The following HECTD4 variants were observed in gnomAD, a reference collection of about 807,000 sequenced individuals.
HECTD4 encodes HECT domain E3 ubiquitin protein ligase 4, also known as probable E3 ubiquitin-protein ligase HECTD4.
HECTD4 carries 114 observed loss-of-function variants against 471.5 expected under a neutral mutation model. That is an observed-to-expected ratio of 0.24 (90% confidence interval 0.21 to 0.28). The LOEUF is 0.28. Among genes scored for constraint, HECTD4 ranks in the 10% least tolerant of loss-of-function variants. The pLI is 1.00. For synonymous variants in HECTD4, 2,012 were observed against 2,256.0 expected, an observed-to-expected ratio of 0.89 and a Z score of 3.07; for missense variants, 3,866 against 5,651.5, an observed-to-expected ratio of 0.68 and a Z score of 10.13.
At position 112,164,178 on chromosome 12, in the gene HECTD4, C is replaced by G. The variant is rs757360916; in HGVS notation, c.12632G>C (p.Arg4211Thr). The change falls in exon 73 of 76, where the codon AGG (arginine) becomes ACG (threonine). Residue 4211 changes from arginine (R) to threonine (T), a missense_variant. Physicochemically the swap from Arg to Thr is moderately conservative, Grantham distance 71. Around this residue, in one of 16 missense-constraint regions of HECTD4, gnomAD observed 715 missense variants for 1,087.6 expected, o/e 0.66. Transcript: ENST00000682272. ...SPDSPNKPCC[R>T]FTYLTMTGEE... ...GCCCGTCATGGTCAGGTAGGTGAAC[C>G]TGCAGCAGGGCTTGTTGGGGCTGTC... 5.6e-6 allele frequency: 9 copies of G among 1,613,626 alleles called. No homozygotes were observed. The South Asian group carries it at 8.8e-5, about 16-fold the overall frequency.
chr12:112,183,804 C>G (rs944757553), intron 61 of HECTD4, among the ~76,000 whole-genome samples: 1 of 152,228 alleles, frequency 6.6e-6, no homozygotes, highest in African/African-American at 2.4e-5. Context: ...CTCAGAATCA[C>G]CTGGGACAGA....
chr12:112,231,496 A>G lies in HECTD4; in HGVS notation c.6200+17T>C, dbSNP rs1383606661. On this transcript the variant is annotated intron_variant, in intron 39 of 75. Transcript: ENST00000682272. Reference sequence around the variant, plus strand: ...CCTGAGATGAGTGTGGACAGCTCCTACCTGTGGAAGGTTTACCTTGCAAGC... The same window carrying G: ...CCTGAGATGAGTGTGGACAGCTCCTGCCTGTGGAAGGTTTACCTTGCAAGC... 1 of 1,611,492 alleles carries G rather than the reference A, an allele frequency of 6.2e-7. No homozygotes were observed.
At chr12:112,332,142 A>C (rs1171974487) in intron 1 of HECTD4, among the ~76,000 whole-genome samples, 1 of 151,846 alleles carries the variant, frequency 6.6e-6, no homozygotes, top group Admixed American at 6.6e-5. Context: ...AAGCAGAAAT[A>C]GGAAGTTACT....
rs929918315 is a variant in HECTD4 at position 112,216,375 on chromosome 12, T to C, written c.7386-4A>G. The C allele has an allele frequency of 2.3e-5, 35 of 1,546,232 alleles. No homozygotes were observed. Among genetic ancestry groups the C allele is most frequent in the Non-Finnish European group, 3.0e-5 (34 of 1,141,932 alleles). ...ATAGTGCACGGCTCGGCCGTTGCTA[T>C]GAAAAATACAAAGAAGGGAGGTCAA... On this transcript the variant is annotated splice_region_variant and splice_polypyrimidine_tract_variant and intron_variant, in intron 47 of 75. Coordinates refer to ENST00000682272, the MANE Select transcript of HECTD4 (RefSeq NM_001388303.1).
intron 21 of HECTD4, among the ~76,000 whole-genome samples, chr12:112,255,824 G>A (rs1434044749): frequency 1.3e-5 from 2 of 152,068 alleles, no homozygotes; most frequent in Non-Finnish European, 2.9e-5. Context: ...CACCAGGTTG[G>A]AAACTACTCT....
At chr12:112,231,328 C>G in intron 39 of HECTD4, 185 bp downstream of exon 39, 1 of 609,410 alleles carries the variant, frequency 1.6e-6, no homozygotes, top group Non-Finnish European at 2.9e-6. Context: ...AACCTCAGAT[C>G]TACCTGGATG....
Position 112,190,840 on chromosome 12 carries a change from C to T in HECTD4, c.9418G>A (p.Asp3140Asn), listed in dbSNP as rs1462895091. The T allele has an allele frequency of 6.3e-7, 1 of 1,587,106 alleles. No homozygotes were observed. The highest frequency in any genetic ancestry group is 1.2e-5 in the South Asian group (1 of 86,384). Residue 3140 changes from aspartate (D) to asparagine (N), a missense_variant, in exon 60 of 76, where the codon GAT becomes AAT. This residue lies in a region of HECTD4 where 364 missense variants were observed against 413.2 expected (regional missense o/e 0.88). Transcript: ENST00000682272. ...KSEDSEGKSEDEPDTIPTSVL... is the reference protein window; with the variant it reads ...KSEDSEGKSENEPDTIPTSVL... Reference sequence around the variant, plus strand: ...GATGTCGGAATGGTGTCAGGCTCATCTTCGGACTTCCCTTCACTGTCCTCT... The same window carrying T: ...GATGTCGGAATGGTGTCAGGCTCATTTTCGGACTTCCCTTCACTGTCCTCT...
chr12:112,227,286 C>G (rs975709298), intron 43 of HECTD4, among the ~76,000 whole-genome samples: 2 of 152,030 alleles, frequency 1.3e-5, no homozygotes, highest in African/African-American at 4.8e-5. Context: ...ATGGCGAGAC[C>G]CCATCTCTAC....
At chr12:112,215,912 C>T (rs991212257) in intron 48 of HECTD4, among the ~76,000 whole-genome samples, 16 of 152,282 alleles carry the variant, frequency 1.1e-4, no homozygotes, top group Admixed American at 8.5e-4. Flanking sequence ...GAATTATAGG[C>T]GTGAGCCACT....
rs910337208 is a variant in HECTD4 at position 112,237,199 on chromosome 12, G to A, written c.5291-101C>T. 1.0e-5 allele frequency: 11 copies of A among 1,048,138 alleles called. No individual in the cohort carries two copies. In the African/African-American group the frequency reaches 1.4e-4, roughly 14 times the overall value. 64.9% of individuals were successfully genotyped at this position (1,048,138 alleles called of 1,614,324 possible). A position where few individuals can be genotyped will look rare whatever the true frequency, so the allele number is the denominator to read the frequency against. ...GCCCTGTCCATTTATCTTGCTTAATGTTTCATGAACCATCTAATAGTGTCT... is the reference window on the plus strand; with the variant it reads ...GCCCTGTCCATTTATCTTGCTTAATATTTCATGAACCATCTAATAGTGTCT... On this transcript the variant is annotated intron_variant, in intron 34 of 75. Coordinates refer to ENST00000682272, the MANE Select transcript of HECTD4 (RefSeq NM_001388303.1).
At chr12:112,315,895 TAA>T (rs570049819) in intron 2 of HECTD4, among the ~76,000 whole-genome samples, 22 of 93,016 alleles carry the variant, frequency 2.4e-4, no homozygotes, top group Non-Finnish European at 1.7e-4. Flanking sequence ...GACCATGTCT[TAA>T]AAAAAAAAAA....
At position 112,265,945 on chromosome 12, in the gene HECTD4, T is replaced by C. The variant is rs1196722615; in HGVS notation, c.2431A>G (p.Ile811Val). 6.8e-6 allele frequency: 11 copies of C among 1,613,958 alleles called. No homozygotes were observed. The highest frequency in any genetic ancestry group is 1.3e-5 in the African/African-American group (1 of 75,032). The change falls in exon 15 of 76, where the codon ATC (isoleucine) becomes GTC (valine). Residue 811 changes from isoleucine (I) to valine (V), a missense_variant. By Grantham distance (29) the Ile-to-Val change is conservative (BLOSUM62 3). Transcript: ENST00000682272. ...NSGLSQLRDV[I>V]LTNLAEQLQN... ...AGCTGTTCAGCCAGGTTGGTTAGGA[T>C]CACATCCCGTAGCTGGGAGAGTCCA...
intron 54 of HECTD4, chr12:112,203,434 A>G (rs2032488486): frequency 2.2e-6 from 1 of 464,410 alleles, no homozygotes; most frequent in African/African-American, 2.0e-5. Flanking sequence ...AGAGCCTACC[A>G]TCTACTGCCA....
At chr12:112,230,437 C>T (rs977853343) in intron 40 of HECTD4, among the ~76,000 whole-genome samples, 1 of 152,140 alleles carries the variant, frequency 6.6e-6, no homozygotes, top group African/African-American at 2.4e-5. Context: ...AGAAGAGAAA[C>T]AAGGCCTGTC....
At chr12:112,316,496 C>T (rs552196373) in intron 2 of HECTD4, among the ~76,000 whole-genome samples, 3 of 152,312 alleles carry the variant, frequency 2.0e-5, no homozygotes, top group South Asian at 4.2e-4. Flanking sequence ...CTGCTCTCCA[C>T]TGTATCCCTA....
intron 9 of HECTD4, among the ~76,000 whole-genome samples, chr12:112,275,649 T>G (rs911223512): frequency 1.1e-4 from 17 of 152,148 alleles, no homozygotes; most frequent in Admixed American, 1.1e-3. Context: ...TATTAATTGC[T>G]ATCATTGATT....
At chr12:112,304,678 TAAA>T (rs60118511) in intron 7 of HECTD4, among the ~76,000 whole-genome samples, 4 of 133,854 alleles carry the variant, frequency 3.0e-5, no homozygotes, top group East Asian at 4.0e-4. Flanking sequence ...AAAAACCAAT[TAAA>T]AAAAAAAAAA....
intron 69 of HECTD4, chr12:112,170,116 G>C (rs1176709487): frequency 1.6e-6 from 1 of 627,726 alleles, no homozygotes; most frequent in African/African-American, 1.8e-5. Flanking sequence ...CCATGCAGCT[G>C]GGTGGGCCCC....
At chr12:112,325,095 TA>T (rs2035714504) in intron 1 of HECTD4, among the ~76,000 whole-genome samples, 1 of 152,190 alleles carries the variant, frequency 6.6e-6, no homozygotes, top group Admixed American at 6.5e-5. Context: ...TCATGGTACA[TA>T]AAATGATGTG....
Sources: gnomAD v4.1 joint callset for allele counts (sites outside exome capture counted in the v4.1 genomes callset) on GRCh38, gnomAD v4.1.1 for gene constraint, gnomAD v4.1.1 regional missense constraint, MANE v1.5 for transcripts, NCBI Gene and HGNC (gene_info 2026-07-23, HGNC 2026-07-21) for gene names.